Variants in MARVELD1 observed in about 807,000 individuals in gnomAD.
MARVELD1 encodes the protein MARVEL domain-containing protein 1.
A neutral mutation model predicts 11.3 loss-of-function variants in MARVELD1; 7 were observed. The ratio of observed to expected loss-of-function variants is 0.62; its 90% CI spans 0.35 to 1.16. The LOEUF (loss-of-function observed/expected upper bound fraction) is 1.16, where lower values mean the gene tolerates loss of function less well. Ranked by LOEUF, MARVELD1 falls within the 50% of genes most tolerant of loss-of-function variation. MARVELD1 has a pLI of 0.02. For synonymous variants in MARVELD1, 119 were observed against 121.4 expected (o/e 0.98, Z 0.13); for missense variants, 216 against 243.8 (o/e 0.89, Z 0.76).
chr10:97,716,529 A>G (rs2041913338), intron 1 of MARVELD1, among the ~76,000 whole-genome samples: 2 of 152,204 alleles, frequency 1.3e-5, no homozygotes, highest in Admixed American at 1.3e-4. Flanking sequence ...ATTAGAAACT[A>G]GAAGAGGGGA....
intron 1 of MARVELD1, among the ~76,000 whole-genome samples, chr10:97,716,977 A>C: frequency 6.6e-6 from 1 of 152,202 alleles, no homozygotes; most frequent in East Asian, 1.9e-4. Context: ...AATATACATA[A>C]AATTTACCAT....
At position 97,713,902 on chromosome 10, in the gene MARVELD1, C is replaced by G; in HGVS notation, c.26C>G (p.Pro9Arg). The G allele has an allele frequency of 1.9e-6, 2 of 1,058,696 alleles. No individual in the cohort carries two copies. Among genetic ancestry groups the G allele is most frequent in the Non-Finnish European group, 1.1e-6 (1 of 870,482 alleles). 65.6% of individuals were successfully genotyped at this position (1,058,696 alleles called of 1,614,324 possible). ...ATGCTCCCGCCGCCCCCGCGCCAGC[C>G]GCCGCCCCAGGCGCGTGCGGCCCGC... is the stretch of plus-strand genomic sequence containing the variant. MLPPPPRQ[P>R]PPQARAARGA... The change falls in exon 1 of 2, where the codon CCG becomes CGG. Residue 9 changes from proline to arginine, a missense_variant. Coordinates refer to ENST00000285605, the MANE Select transcript of MARVELD1 (RefSeq NM_031484.4). This position sits in a 1 kb window ranked among gnomAD's most constrained non-coding sequence, Gnocchi z 5.7.
chr10:97,714,445 G>A lies in MARVELD1; in HGVS notation c.*47G>A, dbSNP rs2041896094. The A allele has an allele frequency of 1.5e-6, 2 of 1,372,078 alleles. No homozygotes were observed. The highest frequency in any genetic ancestry group is 1.9e-6 in the Non-Finnish European group (2 of 1,039,372). 85.0% of individuals were successfully genotyped at this position (1,372,078 alleles called of 1,614,324 possible). On this transcript the variant is annotated 3_prime_UTR_variant, in exon 1 of 2. Transcript: ENST00000285605. The surrounding 1 kb of genome is among the most constrained non-coding windows in gnomAD (Gnocchi z 7.4). The stretch of plus-strand genomic sequence containing the variant: ...CCCCGATCGGGGCGGGGGAATCCCC[G>A]GAGACCAGCCTCCTTAATCCCTTCC...
In MARVELD1 at chr10:97,714,007, C is replaced by G; in HGVS notation, c.131C>G (p.Ala44Gly). ...CTGCTGCAGCTGCTGGCCGGCGCTG[C>G]CTTCTGGATCACTATCGCCACCAGC... ...LRLLQLLAGA[A>G]FWITIATSKY... is the part of the protein sequence containing the mutation. The change falls in exon 1 of 2, where the codon GCC becomes GGC. Residue 44 changes from alanine to glycine, a missense_variant. Coordinates refer to ENST00000285605, the MANE Select transcript of MARVELD1 (RefSeq NM_031484.4). The surrounding 1 kb of genome is among the most constrained non-coding windows in gnomAD (Gnocchi z 7.4). The G allele has an allele frequency of 3.3e-6, 5 of 1,536,250 alleles. No homozygotes were observed. The highest frequency in any genetic ancestry group is 4.4e-6 in the Non-Finnish European group (5 of 1,146,494).
Position 97,714,390 on chromosome 10 carries a change from G to T in MARVELD1, c.514G>T (p.Val172Leu), listed in dbSNP as rs1256964591. 6.6e-7 allele frequency: 1 copy of T among 1,512,812 alleles called. No homozygotes were observed. Among genetic ancestry groups the T allele is most frequent in the Admixed American group, 2.2e-5 (1 of 45,172 alleles). The allele number at this position is 1,512,812 out of a possible 1,614,324, so 93.7% of individuals were successfully genotyped here. ...CGRRCQGKQE[V>L]A ...GCGTCGCTGCCAGGGCAAGCAGGAG[G>T]TGGCGTGAGGCCGCCCGCGCCCGCC... The change falls in exon 1 of 2, where the codon GTG becomes TTG. Residue 172 changes from valine (V) to leucine (L), a missense_variant. Physicochemically the swap from Val to Leu is conservative, Grantham distance 32. Coordinates refer to ENST00000285605, the MANE Select transcript of MARVELD1 (RefSeq NM_031484.4). This position sits in a 1 kb window ranked among gnomAD's most constrained non-coding sequence, Gnocchi z 7.4.
In MARVELD1 at chr10:97,714,692, G is replaced by T. The variant is rs2041898553; in HGVS notation, c.*294G>T. On this transcript the variant is annotated 3_prime_UTR_variant, in exon 1 of 2. Coordinates refer to ENST00000285605, the MANE Select transcript of MARVELD1 (RefSeq NM_031484.4). This position sits in a 1 kb window ranked among gnomAD's most constrained non-coding sequence, Gnocchi z 7.4. Reference sequence around the variant, plus strand: ...GAGGGGCTGACACACACTCGCAGACGAGCCGCCCCGAGGCGAAACCTCGCG... The same window carrying T: ...GAGGGGCTGACACACACTCGCAGACTAGCCGCCCCGAGGCGAAACCTCGCG... 2.6e-6 allele frequency: 1 copy of T among 382,292 alleles called. No individual in the cohort carries two copies. Among genetic ancestry groups the T allele is most frequent in the Non-Finnish European group, 4.7e-6 (1 of 214,608 alleles). The allele number at this position is 382,292 out of a possible 1,614,324, so 23.7% of individuals were successfully genotyped here.
At position 97,714,917 on chromosome 10, in the gene MARVELD1, A is replaced by G. The variant is rs1334829025; in HGVS notation, c.*519A>G. On this transcript the variant is annotated 3_prime_UTR_variant, in exon 1 of 2. Coordinates refer to ENST00000285605, the MANE Select transcript of MARVELD1 (RefSeq NM_031484.4). This position sits in a 1 kb window ranked among gnomAD's most constrained non-coding sequence, Gnocchi z 7.4. ...CGCTGGGCCGCGGGCGGAGCTGAGGACAGGCCTTGGCTGGTCCCAGGATGA... is the reference window on the plus strand; with the variant it reads ...CGCTGGGCCGCGGGCGGAGCTGAGGGCAGGCCTTGGCTGGTCCCAGGATGA... The G allele has an allele frequency of 7.8e-5, 12 of 154,698 alleles. No homozygotes were observed. The highest frequency in any genetic ancestry group is 1.7e-4 in the Non-Finnish European group (12 of 70,004). 9.6% of individuals were successfully genotyped at this position (154,698 alleles called of 1,614,324 possible).
rs1267983653 is a variant in MARVELD1 at position 97,715,454 on chromosome 10, G to T, written c.*1056G>T. 3 of 152,254 alleles carry T rather than the reference G, an allele frequency of 2.0e-5. No homozygotes were observed. The highest frequency in any genetic ancestry group is 4.4e-5 in the Non-Finnish European group (3 of 68,064). 9.4% of individuals were successfully genotyped at this position (152,254 alleles called of 1,614,324 possible). A position where few individuals can be genotyped will look rare whatever the true frequency, so the allele number is the denominator to read the frequency against. On this transcript the variant is annotated 3_prime_UTR_variant, in exon 1 of 2. Transcript: ENST00000285605. ...TCAGGAGCCGCCTCTCCTAAAAGAG[G>T]GTTTCAAGGCCAAATGGGTTTGTCA...
At position 97,713,974 on chromosome 10, in the gene MARVELD1, T is replaced by C; in HGVS notation, c.98T>C (p.Val33Ala). ...CCCTTCCTGCGCAGCCCGCTGGGCG[T>C]GTTGCGGCTGCTGCAGCTGCTGGCC... ...QRPFLRSPLG[V>A]LRLLQLLAGA... Residue 33 changes from valine (V) to alanine (A), a missense_variant, in exon 1 of 2, where the codon GTG becomes GCG. Val to Ala is a moderately conservative substitution (Grantham distance 64). Coordinates refer to ENST00000285605, the MANE Select transcript of MARVELD1 (RefSeq NM_031484.4). The surrounding 1 kb of genome is among the most constrained non-coding windows in gnomAD (Gnocchi z 5.7). 1 of 1,533,390 alleles carries C rather than the reference T, an allele frequency of 6.5e-7. No individual in the cohort carries two copies. The highest frequency in any genetic ancestry group is 1.2e-5 in the South Asian group (1 of 83,888). 95.0% of individuals were successfully genotyped at this position (1,533,390 alleles called of 1,614,324 possible).
chr10:97,716,051 C>A (rs1355393791), intron 1 of MARVELD1, 66 bp downstream of exon 1: 2 of 152,182 alleles, frequency 1.3e-5, no homozygotes, highest in Non-Finnish European at 2.9e-5. Context: ...AGAGCCTACT[C>A]CTTTTCCAGA....
In MARVELD1 at chr10:97,713,995, T is replaced by C. The variant is rs1431776553; in HGVS notation, c.119T>C (p.Leu40Pro). 2.3e-5 allele frequency: 36 copies of C among 1,535,472 alleles called. No homozygotes were observed. Among genetic ancestry groups the C allele is most frequent in the Non-Finnish European group, 2.8e-5 (32 of 1,146,218 alleles). The change falls in exon 1 of 2, where the codon CTG becomes CCG. Residue 40 changes from leucine (L) to proline (P), a missense_variant. By Grantham distance (98) the Leu-to-Pro change is moderately conservative. Transcript: ENST00000285605. The surrounding 1 kb of genome is among the most constrained non-coding windows in gnomAD (Gnocchi z 5.7). Reference protein sequence around the residue: ...PLGVLRLLQLLAGAAFWITIA... With the variant: ...PLGVLRLLQLPAGAAFWITIA... ...GGCGTGTTGCGGCTGCTGCAGCTGC[T>C]GGCCGGCGCTGCCTTCTGGATCACT... is the stretch of plus-strand genomic sequence containing the variant.
rs2041918412 is a variant in MARVELD1, at chr10:97,717,279, C to T, written c.*1673C>T. The T allele has an allele frequency of 6.6e-6, 1 of 152,254 alleles. No homozygotes were observed. The highest frequency in any genetic ancestry group is 2.1e-4 in the South Asian group (1 of 4,832). The allele number at this position is 152,254 out of a possible 1,614,324, so 9.4% of individuals were successfully genotyped here. On this transcript the variant is annotated 3_prime_UTR_variant, in exon 2 of 2. Coordinates refer to ENST00000285605, the MANE Select transcript of MARVELD1 (RefSeq NM_031484.4). ...GCCCGCTGCCCTGGGCTGGCAACAC[C>T]ATTCTGGCCTTGGCCTGCAGAAGCT...
rs2041894062 is a variant in MARVELD1, at chr10:97,714,184, T to G, written c.308T>G (p.Val103Gly). The G allele has an allele frequency of 2.6e-6, 4 of 1,536,434 alleles. No individual in the cohort carries two copies. In the Admixed American group the frequency reaches 5.9e-5, roughly 23 times the overall value. ...CTCATGGTCAACGTGGCGCACGATG[T>G]GCTGGCGGCCGCGCTCTACGGCGCC... ...RWLMVNVAHD[V>G]LAAALYGAAT... is the part of the protein sequence containing the mutation. Residue 103 changes from valine (V) to glycine (G), a missense_variant, in exon 1 of 2, where the codon GTG (valine) becomes GGG (glycine). Val to Gly is a moderately radical substitution (Grantham distance 109, BLOSUM62 -3). Transcript: ENST00000285605. This position sits in a 1 kb window ranked among gnomAD's most constrained non-coding sequence, Gnocchi z 7.4.
rs1564787674 is a variant in MARVELD1 at position 97,714,406 on chromosome 10, C to T, written c.*8C>T. ...AAGCAGGAGGTGGCGTGAGGCCGCCCGCGCCCGCCGCGGCCCCGATCGGGG... is the reference window on the plus strand; with the variant it reads ...AAGCAGGAGGTGGCGTGAGGCCGCCTGCGCCCGCCGCGGCCCCGATCGGGG... On this transcript the variant is annotated 3_prime_UTR_variant, in exon 1 of 2. Transcript: ENST00000285605. This position sits in a 1 kb window ranked among gnomAD's most constrained non-coding sequence, Gnocchi z 7.4. 6.7e-7 allele frequency: 1 copy of T among 1,487,548 alleles called. No individual in the cohort carries two copies. Among genetic ancestry groups the T allele is most frequent in the East Asian group, 2.5e-5 (1 of 40,432 alleles). 92.1% of individuals were successfully genotyped at this position (1,487,548 alleles called of 1,614,324 possible).
intron 1 of MARVELD1, among the ~76,000 whole-genome samples, chr10:97,716,958 T>C (rs771838843): frequency 3.3e-5 from 5 of 152,218 alleles, no homozygotes; most frequent in Non-Finnish European, 5.9e-5. Flanking sequence ...ATTTTTTAAA[T>C]TGTGGTAAAA....
In MARVELD1 at chr10:97,714,315, G is replaced by C. The variant is rs751421464; in HGVS notation, c.439G>C (p.Gly147Arg). 1.3e-6 allele frequency: 2 copies of C among 1,536,068 alleles called. No homozygotes were observed. Among genetic ancestry groups the C allele is most frequent in the South Asian group, 2.4e-5 (2 of 84,050 alleles). ...YHAFLAAAVC[G>R]GVCHGLYLLS... ...CGCCTTCCTGGCGGCCGCCGTCTGC[G>C]GCGGCGTCTGCCACGGCCTCTACCT... The change falls in exon 1 of 2, where the codon GGC becomes CGC. Residue 147 changes from glycine (G) to arginine (R), a missense_variant. Coordinates refer to ENST00000285605, the MANE Select transcript of MARVELD1 (RefSeq NM_031484.4). The surrounding 1 kb of genome is among the most constrained non-coding windows in gnomAD (Gnocchi z 7.4).
rs939602246 is a variant in MARVELD1, at chr10:97,713,844, GCGCCGC to G, written c.-22_-17del. The stretch of plus-strand genomic sequence containing the variant: ...AGGCGCCGCCATTCCGCTGCTCGGG[GCGCCGC>G]CGCCGCCGCCACCGCGCCCAGGGGC... On this transcript the variant is annotated 5_prime_UTR_variant, in exon 1 of 2. Coordinates refer to ENST00000285605, the MANE Select transcript of MARVELD1 (RefSeq NM_031484.4). The surrounding 1 kb of genome is among the most constrained non-coding windows in gnomAD (Gnocchi z 5.7). 2 of 441,690 alleles carry G rather than the reference GCGCCGC, an allele frequency of 4.5e-6. No homozygotes were observed. Among genetic ancestry groups the G allele is most frequent in the African/African-American group, 2.2e-5 (1 of 46,232 alleles). 27.4% of individuals were successfully genotyped at this position (441,690 alleles called of 1,614,324 possible).
At position 97,714,695 on chromosome 10, in the gene MARVELD1, CCG is replaced by C; in HGVS notation, c.*299_*300del. On this transcript the variant is annotated 3_prime_UTR_variant, in exon 1 of 2. Coordinates refer to ENST00000285605, the MANE Select transcript of MARVELD1 (RefSeq NM_031484.4). This position sits in a 1 kb window ranked among gnomAD's most constrained non-coding sequence, Gnocchi z 7.4. ...GGGCTGACACACACTCGCAGACGAG[CCG>C]CCCCGAGGCGAAACCTCGCGGTTCC... 2.6e-6 allele frequency: 1 copy of C among 381,172 alleles called. No individual in the cohort carries two copies. The highest frequency in any genetic ancestry group is 4.7e-6 in the Non-Finnish European group (1 of 213,950). The allele number at this position is 381,172 out of a possible 1,614,324, so 23.6% of individuals were successfully genotyped here.
In MARVELD1 at chr10:97,715,541, T is replaced by A. The variant is rs1358635098; in HGVS notation, c.*1143T>A. ...CTTATCAAAGACTGAGAAGTCCCGCTGTTACAGAAATAATTTAGTTTGCTG... is the reference window on the plus strand; with the variant it reads ...CTTATCAAAGACTGAGAAGTCCCGCAGTTACAGAAATAATTTAGTTTGCTG... On this transcript the variant is annotated 3_prime_UTR_variant, in exon 1 of 2. Coordinates refer to ENST00000285605, the MANE Select transcript of MARVELD1 (RefSeq NM_031484.4). The A allele has an allele frequency of 6.6e-6, 1 of 152,274 alleles. No individual in the cohort carries two copies. The highest frequency in any genetic ancestry group is 1.9e-4 in the East Asian group (1 of 5,208). The allele number at this position is 152,274 out of a possible 1,614,324, so 9.4% of individuals were successfully genotyped here. A position where few individuals can be genotyped will look rare whatever the true frequency, so the allele number is the denominator to read the frequency against.
Sources: allele counts gnomAD v4.1 joint callset (sites outside exome capture counted in the v4.1 genomes callset), GRCh38; gene constraint gnomAD v4.1.1; non-coding constraint Gnocchi (gnomAD v3.1); transcripts MANE v1.5; gene names NCBI Gene and HGNC (gene_info 2026-07-23, HGNC 2026-07-21).